Variants in SCAF11 observed in about 807,000 individuals in gnomAD.
SCAF11 encodes protein SCAF11.
SCAF11 carries 47 observed loss-of-function variants against 140.5 expected under a neutral mutation model. The ratio of observed to expected loss-of-function variants is 0.33; its 90% confidence interval spans 0.26 to 0.43. The LOEUF (loss-of-function observed/expected upper bound fraction) is 0.43, where lower values mean the gene tolerates loss of function less well. Among genes scored for constraint, SCAF11 ranks in the 20% least tolerant of loss-of-function variants. SCAF11 has a pLI of 1.00. For synonymous variants in SCAF11, 557 were observed against 579.4 expected (o/e 0.96, Z 0.55); for missense variants, 1,645 against 1,705.1 (o/e 0.96, Z 0.62).
rs1946568166 is a variant in SCAF11, at chr12:45,990,364, G to A, written c.-33C>T. ...CGACCAGTGTTTACCTCAGACCGAG[G>A]TCGAGGCGCTCGGTCCGGCCGCGGC... On this transcript the variant is annotated 5_prime_UTR_variant, in exon 1 of 15. Transcript: ENST00000369367. 8.1e-7 allele frequency: 1 copy of A among 1,232,112 alleles called. No individual in the cohort carries two copies. The highest frequency in any genetic ancestry group is 1.0e-6 in the Non-Finnish European group (1 of 988,288). 76.3% of individuals were successfully genotyped at this position (1,232,112 alleles called of 1,614,324 possible).
chr12:45,922,896 T>C, intron 13 of SCAF11, 40 bp downstream of exon 13: 3 of 1,557,356 alleles, frequency 1.9e-6, no homozygotes, highest in Non-Finnish European at 2.7e-6. Context: ...TCCTTTATCA[T>C]ATACAGAATT....
chr12:45,964,905 G>C (rs1198208659), intron 1 of SCAF11, among the ~76,000 whole-genome samples: 1 of 151,400 alleles, frequency 6.6e-6, no homozygotes, highest in Non-Finnish European at 1.5e-5. Flanking sequence ...CAATTGAGCG[G>C]GTGAGAGAAA....
chr12:45,934,401 A>G, intron 7 of SCAF11, 46 bp downstream of exon 7: 1 of 1,465,178 alleles, frequency 6.8e-7, no homozygotes. Context: ...AAATAACCCT[A>G]AAGTGTTATC....
At chr12:45,948,749 T>C (rs1283138670) in intron 4 of SCAF11, among the ~76,000 whole-genome samples, 1 of 152,170 alleles carries the variant, frequency 6.6e-6, no homozygotes, top group Non-Finnish European at 1.5e-5. Flanking sequence ...CAGCTAAGCA[T>C]AAACAGATTA....
chr12:45,941,929 A>G (rs980442801), intron 6 of SCAF11, among the ~76,000 whole-genome samples: 1 of 152,210 alleles, frequency 6.6e-6, no homozygotes, highest in Non-Finnish European at 1.5e-5. Context: ...CCAAGACAGC[A>G]AGACCAACCC....
Position 45,928,417 on chromosome 12 carries a change from G to C in SCAF11, c.1284C>G (p.Asp428Glu), listed in dbSNP as rs1944953589. The C allele has an allele frequency of 6.2e-7, 1 of 1,612,962 alleles. No individual in the cohort carries two copies. The highest frequency in any genetic ancestry group is 1.3e-5 in the African/African-American group (1 of 74,924). The change falls in exon 11 of 15, where the codon GAC becomes GAG. Residue 428 changes from aspartate (D) to glutamate (E), a missense_variant. Physicochemically the swap from Asp to Glu is conservative, Grantham distance 45 (BLOSUM62 2). Transcript: ENST00000369367. ...VLEKEHQPDVDSSNICTVQTH... is the reference protein window; with the variant it reads ...VLEKEHQPDVESSNICTVQTH... ...TCTGCACAGTACAAATGTTACTACT[G>C]TCTACATCTGGTTGGTGCTCTTTTT...
intron 11 of SCAF11, 68 bp downstream of exon 11, chr12:45,926,074 C>A: frequency 4.1e-6 from 6 of 1,462,452 alleles, no homozygotes; most frequent in Non-Finnish European, 5.5e-6. Context: ...TCAACTCATA[C>A]AAATAACATA....
chr12:45,990,653 T>C, upstream of SCAF11: 1 of 1,143,598 alleles, frequency 8.7e-7, no homozygotes, highest in Admixed American at 4.3e-5. Context: ...TCCCTCGCTG[T>C]CGGCGCGCTA....
chr12:45,946,076 T>C lies in SCAF11; in HGVS notation c.399-763A>G, dbSNP rs546855552. Among the ~76,000 whole-genome samples, 10 of 152,294 alleles carry C rather than the reference T, an allele frequency of 6.6e-5. No homozygotes were observed. The East Asian group carries it at 1.9e-3, about 29-fold the overall frequency. ...ACGCAGACTAGAGGTAAGCAGATAT[T>C]GTCTTTTTTAAAAGGACCATTAGGA... On this transcript the variant is annotated intron_variant, in intron 5 of 14. Coordinates refer to ENST00000369367, the MANE Select transcript of SCAF11 (RefSeq NM_004719.3).
At chr12:45,974,619 A>T (rs1946190042) in intron 1 of SCAF11, 1 of 184,322 alleles carries the variant, frequency 5.4e-6, no homozygotes, top group Non-Finnish European at 1.2e-5. Flanking sequence ...ATAAAATTGC[A>T]GCAATTCAGT....
rs546556177 is a variant in SCAF11, at chr12:45,968,874, C to T, written c.-21-4686G>A. Among the ~76,000 whole-genome samples, 57 of 152,176 alleles carry T rather than the reference C, an allele frequency of 3.7e-4. 1 individual carries two copies. Among genetic ancestry groups the T allele is most frequent in the Middle Eastern group, 6.8e-3 (2 of 294 alleles). On this transcript the variant is annotated intron_variant, in intron 1 of 14. Transcript: ENST00000369367. ...CCAGGAGGTGGAGGTTGCAGAGAGC[C>T]GAGATCATGCCATGGCACTCCAGCC...
intron 1 of SCAF11, among the ~76,000 whole-genome samples, chr12:45,970,045 G>A (rs544378527): frequency 2.0e-5 from 3 of 152,266 alleles, no homozygotes; most frequent in East Asian, 1.9e-4. Flanking sequence ...ACAGGTGCCC[G>A]CCACCACGCC....
chr12:45,945,201 A>G, intron 6 of SCAF11, 48 bp downstream of exon 6: 1 of 1,139,218 alleles, frequency 8.8e-7, no homozygotes, highest in Non-Finnish European at 1.3e-6. Flanking sequence ...CATTAAATTA[A>G]AAAACAACAA....
chr12:45,925,208 G>T, intron 11 of SCAF11, 134 bp from the exon 12 acceptor site: 2 of 639,556 alleles, frequency 3.1e-6, no homozygotes, highest in Non-Finnish European at 2.7e-6. Context: ...ATCTCCAATT[G>T]CTTAATTTAA....
At chr12:45,949,952 T>G (rs1945511871) in intron 4 of SCAF11, among the ~76,000 whole-genome samples, 1 of 152,062 alleles carries the variant, frequency 6.6e-6, no homozygotes, top group Non-Finnish European at 1.5e-5. Flanking sequence ...TGAGTCCTAA[T>G]GATTAAGAAA....
At chr12:45,963,213 C>T (rs1003862358) in intron 2 of SCAF11, among the ~76,000 whole-genome samples, 6 of 152,008 alleles carry the variant, frequency 3.9e-5, no homozygotes, top group Admixed American at 6.5e-5. Flanking sequence ...AGGTAATGGT[C>T]GGGAAATGAT....
Position 45,985,194 on chromosome 12 carries a change from C to T in SCAF11, c.-22+5159G>A, listed in dbSNP as rs550517466. On this transcript the variant is annotated intron_variant, in intron 1 of 14. Coordinates refer to ENST00000369367, the MANE Select transcript of SCAF11 (RefSeq NM_004719.3). Reference sequence around the variant, plus strand: ...GGTACCAATTTCTCCAATTTCAGTCCGCAAGATTTGTTCTTGTTTTCTCCA... The same window carrying T: ...GGTACCAATTTCTCCAATTTCAGTCTGCAAGATTTGTTCTTGTTTTCTCCA... Among the ~76,000 whole-genome samples, 55 of 152,220 alleles carry T rather than the reference C, an allele frequency of 3.6e-4. 1 individual carries two copies. Among genetic ancestry groups the T allele is most frequent in the Admixed American group, 1.8e-3 (28 of 15,288 alleles).
chr12:45,941,150 C>T (rs1461125214), intron 6 of SCAF11, among the ~76,000 whole-genome samples: 2 of 152,286 alleles, frequency 1.3e-5, no homozygotes, highest in East Asian at 3.9e-4. Flanking sequence ...ACAAACTGTT[C>T]ACCATTAAAA....
chr12:45,930,648 G>C (rs1269798546), intron 10 of SCAF11, among the ~76,000 whole-genome samples: 9 of 151,934 alleles, frequency 5.9e-5, no homozygotes, highest in Non-Finnish European at 1.5e-5. Context: ...ACACAGCTAT[G>C]ATTTAATACT....
Sources: gnomAD v4.1 joint callset for allele counts (sites outside exome capture counted in the v4.1 genomes callset) on GRCh38, gnomAD v4.1.1 for gene constraint, MANE v1.5 for transcripts, NCBI Gene and HGNC (gene_info 2026-07-23, HGNC 2026-07-21) for gene names.